The following LUZP2 variants were observed in gnomAD, a reference collection of about 807,000 sequenced individuals.
The protein encoded by LUZP2 is leucine zipper protein 2.
Under a neutral mutation model 51.6 loss-of-function variants are expected in LUZP2, and 52 were observed. The ratio of observed to expected loss-of-function variants is 1.01; its 90% CI spans 0.81 to 1.27. LUZP2 has a LOEUF of 1.27. Among genes scored for constraint, LUZP2 ranks in the 50% most tolerant of loss-of-function variants. The pLI is 0.00. For missense variants in LUZP2, 436 were observed against 395.4 expected, an observed-to-expected ratio of 1.10 and a Z score of -0.87; for synonymous variants, 154 against 137.3, an observed-to-expected ratio of 1.12 and a Z score of -0.85.
At chr11:24,701,463 C>T (rs1857419736) in intron 1 of LUZP2, 2 of 166,128 alleles carry the variant, frequency 1.2e-5, no homozygotes. Flanking sequence ...GGAAAATAGG[C>T]AAAAATGGCT....
chr11:24,926,098 C>G (rs928882137), intron 7 of LUZP2, among the ~76,000 whole-genome samples: 1 of 151,294 alleles, frequency 6.6e-6, no homozygotes, highest in Non-Finnish European at 1.5e-5. Flanking sequence ...ATGAGTATCC[C>G]ATGGTGTGTG....
chr11:24,553,946 C>G (rs150039787), intron 1 of LUZP2, among the ~76,000 whole-genome samples: 1 of 152,288 alleles, frequency 6.6e-6, no homozygotes, highest in East Asian at 1.9e-4. Flanking sequence ...GTATTTCTCT[C>G]TAAAGTTCCG....
chr11:24,506,997 A>G (rs1384626142), intron 1 of LUZP2, among the ~76,000 whole-genome samples: 5 of 152,126 alleles, frequency 3.3e-5, no homozygotes, highest in Non-Finnish European at 7.4e-5. Flanking sequence ...GAGACAGAGT[A>G]CATTAAAAAT....
At chr11:24,869,857 A>G (rs1432943530) in intron 5 of LUZP2, among the ~76,000 whole-genome samples, 1 of 152,180 alleles carries the variant, frequency 6.6e-6, no homozygotes, top group African/African-American at 2.4e-5. Flanking sequence ...TCTTACTTTA[A>G]ATCAAAAGCT....
intron 5 of LUZP2, among the ~76,000 whole-genome samples, chr11:24,774,881 T>G (rs546395276): frequency 2.7e-5 from 4 of 147,734 alleles, no homozygotes; most frequent in Non-Finnish European, 6.0e-5. Context: ...GTATATTCTT[T>G]TAGTTCTGTC....
intron 5 of LUZP2, among the ~76,000 whole-genome samples, chr11:24,808,060 A>G (rs1849905604): frequency 1.3e-5 from 2 of 152,218 alleles, no homozygotes. Flanking sequence ...TCACAATGGA[A>G]ATAAAATGTA....
chr11:24,511,488 G>T (rs1850310768), intron 1 of LUZP2, among the ~76,000 whole-genome samples: 1 of 152,120 alleles, frequency 6.6e-6, no homozygotes, highest in Non-Finnish European at 1.5e-5. Context: ...GTTTACATCA[G>T]TTGGATATTT....
chr11:24,786,524 T>TACAA, intron 5 of LUZP2: 7 of 786,986 alleles, frequency 8.9e-6, no homozygotes, highest in Non-Finnish European at 1.1e-5. Flanking sequence ...TGTATATTTG[T>TACAA]ATATACACAA....
chr11:24,706,490 C>A (rs2133921041), intron 1 of LUZP2, among the ~76,000 whole-genome samples: 1 of 152,238 alleles, frequency 6.6e-6, no homozygotes, highest in African/African-American at 2.4e-5. Flanking sequence ...CTTTTTCCAA[C>A]CAAATTCTGC....
intron 5 of LUZP2, among the ~76,000 whole-genome samples, chr11:24,824,606 G>C (rs1406557379): frequency 2.0e-5 from 3 of 151,752 alleles, no homozygotes; most frequent in Non-Finnish European, 4.4e-5. Context: ...TGTAGAATTT[G>C]CTTCCAAATC....
chr11:24,516,045 C>T lies in LUZP2; in HGVS notation c.62+18740C>T, dbSNP rs144538835. On this transcript the variant is annotated intron_variant, in intron 1 of 11. Coordinates refer to ENST00000336930, the MANE Select transcript of LUZP2 (RefSeq NM_001009909.4). ...GCTGATCCACCTGGATTTGAATCCC[C>T]GTCTTCCACATGACTAGTTATGTGA... Among the ~76,000 whole-genome samples the T allele has an allele frequency of 4.0e-4, 61 of 152,210 alleles. 1 individual carries two copies. Among genetic ancestry groups the T allele is most frequent in the African/African-American group, 1.4e-3 (57 of 41,520 alleles).
chr11:24,682,450 G>A (rs1421422994), intron 1 of LUZP2, among the ~76,000 whole-genome samples: 3 of 149,154 alleles, frequency 2.0e-5, no homozygotes, highest in Non-Finnish European at 3.0e-5. Context: ...AGCTGAGATC[G>A]TGCCACTGCA....
At chr11:24,641,696 C>G (rs1855289689) in intron 1 of LUZP2, among the ~76,000 whole-genome samples, 1 of 151,786 alleles carries the variant, frequency 6.6e-6, no homozygotes, top group African/African-American at 2.4e-5. Flanking sequence ...CTTGCTACTT[C>G]TAGCTTACAA....
At chr11:24,905,642 G>C (rs1052859941) in intron 5 of LUZP2, among the ~76,000 whole-genome samples, 2 of 152,250 alleles carry the variant, frequency 1.3e-5, no homozygotes, top group East Asian at 1.9e-4. Context: ...CACATGGAAA[G>C]TTCTCCAGTA....
At chr11:25,050,789 A>T (rs1454582157) in intron 10 of LUZP2, among the ~76,000 whole-genome samples, 1 of 152,144 alleles carries the variant, frequency 6.6e-6, no homozygotes, top group Non-Finnish European at 1.5e-5. Flanking sequence ...CCAACAAAAA[A>T]CCTTATAGGA....
chr11:24,947,767 T>C (rs978591659), intron 7 of LUZP2, among the ~76,000 whole-genome samples: 12 of 151,840 alleles, frequency 7.9e-5, no homozygotes, highest in African/African-American at 2.9e-4. Context: ...TTCAATACTT[T>C]GAATATTTTA....
intron 5 of LUZP2, among the ~76,000 whole-genome samples, chr11:24,878,706 T>C (rs950060907): frequency 5.3e-5 from 8 of 151,942 alleles, no homozygotes; most frequent in African/African-American, 1.4e-4. Flanking sequence ...GTTTTTTACG[T>C]AGGTATACCT....
intron 7 of LUZP2, among the ~76,000 whole-genome samples, chr11:24,916,539 A>T (rs754995988): frequency 6.6e-6 from 1 of 151,878 alleles, no homozygotes; most frequent in African/African-American, 2.4e-5. Flanking sequence ...CTGTGTCCAC[A>T]TGTTCTCACT....
intron 1 of LUZP2, among the ~76,000 whole-genome samples, chr11:24,547,487 A>C (rs1054597644): frequency 2.6e-5 from 4 of 152,142 alleles, no homozygotes; most frequent in African/African-American, 9.7e-5. Flanking sequence ...TTATTCAATA[A>C]ATGATGATGA....
Sources: gnomAD v4.1 joint callset for allele counts (sites outside exome capture counted in the v4.1 genomes callset) on GRCh38, gnomAD v4.1.1 for gene constraint, MANE v1.5 for transcripts, NCBI Gene and HGNC (gene_info 2026-07-23, HGNC 2026-07-21) for gene names.